Variants in SLC24A3 observed in about 807,000 individuals in gnomAD.
SLC24A3 encodes the protein sodium/potassium/calcium exchanger 3.
SLC24A3 carries 28 observed loss-of-function variants against 75.8 expected under a neutral mutation model. The ratio of observed to expected loss-of-function variants is 0.37; its 90% CI spans 0.27 to 0.51. The LOEUF is 0.51. Ranked by LOEUF, SLC24A3 falls within the 20% of genes least tolerant of loss-of-function variation. The pLI is 0.94. For missense variants in SLC24A3, 663 were observed against 847.8 expected, an observed-to-expected ratio of 0.78 and a Z score of 2.71; for synonymous variants, 372 against 334.1, an observed-to-expected ratio of 1.11 and a Z score of -1.24.
At chr20:19,499,880 A>C (rs1029646307) in intron 2 of SLC24A3, among the ~76,000 whole-genome samples, 1 of 152,168 alleles carries the variant, frequency 6.6e-6, no homozygotes, top group Non-Finnish European at 1.5e-5. Flanking sequence ...TTAGGGATGT[A>C]GCCTGATTTC....
intron 2 of SLC24A3, among the ~76,000 whole-genome samples, chr20:19,322,058 C>G (rs1394099431): frequency 1.3e-5 from 2 of 152,106 alleles, no homozygotes; most frequent in Non-Finnish European, 2.9e-5. Context: ...CAGTGCATCA[C>G]TTCAGGAGCC....
chr20:19,396,665 G>C (rs1031011907), intron 2 of SLC24A3, among the ~76,000 whole-genome samples: 1 of 152,180 alleles, frequency 6.6e-6, no homozygotes, highest in African/African-American at 2.4e-5. Context: ...TATCAGCACT[G>C]TTTTAAGACT....
chr20:19,544,965 C>T (rs922094429), intron 3 of SLC24A3, among the ~76,000 whole-genome samples: 3 of 152,166 alleles, frequency 2.0e-5, no homozygotes, highest in South Asian at 2.1e-4. Context: ...AAAGGAAATG[C>T]GGCCTCCTCC....
chr20:19,466,865 T>C (rs950625993), intron 2 of SLC24A3, among the ~76,000 whole-genome samples: 2 of 152,202 alleles, frequency 1.3e-5, no homozygotes, highest in Non-Finnish European at 2.9e-5. Context: ...AAAGTGTTTA[T>C]TAATTTATTT....
intron 6 of SLC24A3, among the ~76,000 whole-genome samples, chr20:19,644,018 T>A (rs890507442): frequency 3.3e-5 from 5 of 152,144 alleles, no homozygotes; most frequent in African/African-American, 1.2e-4. Context: ...GAGCAGGAAT[T>A]TTCTAACATG....
At chr20:19,635,004 G>A (rs554257396) in intron 6 of SLC24A3, among the ~76,000 whole-genome samples, 6 of 152,262 alleles carry the variant, frequency 3.9e-5, no homozygotes, top group South Asian at 2.1e-4. Context: ...TTTCATATTT[G>A]TGCATGCTAT....
intron 7 of SLC24A3, among the ~76,000 whole-genome samples, chr20:19,663,679 C>T (rs924684810): frequency 2.0e-5 from 3 of 151,744 alleles, no homozygotes; most frequent in African/African-American, 7.3e-5. Context: ...AACCACAGCT[C>T]CCCAAGCCAC....
intron 13 of SLC24A3, among the ~76,000 whole-genome samples, chr20:19,695,199 C>T (rs7270714): frequency 6.6e-6 from 1 of 152,122 alleles, no homozygotes; most frequent in Non-Finnish European, 1.5e-5. Context: ...AGGGAAGGAG[C>T]GATTGTGGCC....
chr20:19,710,617 T>C (rs1371554543), intron 15 of SLC24A3, among the ~76,000 whole-genome samples: 1 of 152,224 alleles, frequency 6.6e-6, no homozygotes, highest in Non-Finnish European at 1.5e-5. Context: ...GTTCCTTGCG[T>C]CTTTGAGGCA....
chr20:19,648,892 A>T (rs868324297), intron 6 of SLC24A3, among the ~76,000 whole-genome samples: 1 of 152,240 alleles, frequency 6.6e-6, no homozygotes, highest in Non-Finnish European at 1.5e-5. Flanking sequence ...GCTGGGTGGG[A>T]TTCCTAAAGC....
chr20:19,502,711 C>G (rs1988402016), intron 2 of SLC24A3, among the ~76,000 whole-genome samples: 1 of 151,680 alleles, frequency 6.6e-6, no homozygotes. Flanking sequence ...GAGCCACCAT[C>G]CATGAAGTCA....
intron 3 of SLC24A3, among the ~76,000 whole-genome samples, chr20:19,518,673 G>A (rs2030043138): frequency 6.6e-6 from 1 of 152,322 alleles, no homozygotes; most frequent in African/African-American, 2.4e-5. Context: ...CACATGGGAG[G>A]CACCACAGGT....
In SLC24A3 at chr20:19,714,091, A is replaced by C. The variant is rs111558388; in HGVS notation, c.1720-3437A>C. 4.2e-3 allele frequency among the ~76,000 whole-genome samples: 639 copies of C among 152,314 alleles called. 2 individuals carry two copies. The highest frequency in any genetic ancestry group is 0.027 in the Middle Eastern group (8 of 294). On this transcript the variant is annotated intron_variant, in intron 15 of 16. Coordinates refer to ENST00000328041, the MANE Select transcript of SLC24A3 (RefSeq NM_020689.4). ...TACATAAATGAATGAACTGAGTTCC[A>C]ATAAAATTTTATTTACAAAGACAGG...
intron 1 of SLC24A3, among the ~76,000 whole-genome samples, chr20:19,214,342 G>C (rs536621650): frequency 4.6e-5 from 7 of 152,286 alleles, no homozygotes; most frequent in African/African-American, 1.7e-4. Flanking sequence ...GAGGGAAGCA[G>C]AATCTCTCCC....
At chr20:19,343,853 C>T (rs6046007) in intron 2 of SLC24A3, among the ~76,000 whole-genome samples, 151,979 of 152,320 alleles carry the variant, frequency 1, 75,822 homozygotes, top group Middle Eastern at 1. Flanking sequence ...GAAAAGGGGA[C>T]TAGGACATGA....
intron 15 of SLC24A3, among the ~76,000 whole-genome samples, chr20:19,706,981 C>A (rs576104331): frequency 2.0e-5 from 3 of 152,294 alleles, no homozygotes; most frequent in Admixed American, 2.0e-4. Context: ...GGCTTGGCTG[C>A]AGGCTTCATA....
chr20:19,458,985 A>C (rs538796796), intron 2 of SLC24A3, among the ~76,000 whole-genome samples: 1 of 152,280 alleles, frequency 6.6e-6, no homozygotes, highest in East Asian at 1.9e-4. Context: ...GGAGTGGTTA[A>C]GATAGTAGTG....
At chr20:19,520,402 C>A (rs547533256) in intron 3 of SLC24A3, among the ~76,000 whole-genome samples, 24 of 152,288 alleles carry the variant, frequency 1.6e-4, no homozygotes, top group African/African-American at 4.3e-4. Flanking sequence ...AAGGGATGTT[C>A]TGGCCACGTG....
intron 2 of SLC24A3, among the ~76,000 whole-genome samples, chr20:19,444,870 T>TTTGTTGTTGTTG (rs143149995): frequency 1.1e-4 from 16 of 151,576 alleles, no homozygotes; most frequent in African/African-American, 3.9e-4. Context: ...TAATCGGCTT[T>TTTGTTGTTGTTG]TTGTTGTTGT....
Sources: allele counts gnomAD v4.1 joint callset (sites outside exome capture counted in the v4.1 genomes callset), GRCh38; gene constraint gnomAD v4.1.1; transcripts MANE v1.5; gene names NCBI Gene and HGNC (gene_info 2026-07-23, HGNC 2026-07-21).